TNRC6A: variants seen among roughly 807,000 people sequenced by gnomAD.
The protein encoded by TNRC6A is trinucleotide repeat-containing gene 6A protein.
In TNRC6A, 44 loss-of-function variants were observed where a neutral mutation model predicts 221.2. The ratio of observed to expected loss-of-function variants is 0.20; its 90% CI spans 0.16 to 0.26. TNRC6A has a LOEUF of 0.26. Among genes scored for constraint, TNRC6A ranks in the 10% least tolerant of loss-of-function variants. The probability of loss-of-function intolerance (pLI) is 1.00; values close to 1 mark genes in which losing one functional copy is unlikely to be tolerated. For synonymous variants in TNRC6A, 847 were observed against 838.5 expected (o/e 1.01, Z -0.18); for missense variants, 2,199 against 2,404.4 (o/e 0.91, Z 1.79).
chr16:24,805,310 A>C, intron 14 of TNRC6A, 159 bp downstream of exon 14: 1 of 1,132,148 alleles, frequency 8.8e-7, no homozygotes, highest in South Asian at 1.6e-5. Flanking sequence ...TGTAGTAAGG[A>C]AAAGTCAAGG....
intron 2 of TNRC6A, among the ~76,000 whole-genome samples, chr16:24,704,664 C>CAAAAAAAAAAAAAAA (rs58926085): frequency 4.9e-4 from 34 of 69,460 alleles, no homozygotes; most frequent in Non-Finnish European, 7.4e-4. Flanking sequence ...GACTCCGTCT[C>CAAAAAAAAAAAAAAA]AAAAAAAAAA....
intron 2 of TNRC6A, among the ~76,000 whole-genome samples, chr16:24,710,567 C>A (rs2056185732): frequency 6.6e-6 from 1 of 152,160 alleles, no homozygotes; most frequent in Non-Finnish European, 1.5e-5. Context: ...CTTCTTATTG[C>A]ATCCTACTAA....
intron 1 of TNRC6A, among the ~76,000 whole-genome samples, chr16:24,616,325 C>CA (rs397855433): frequency 0.16 from 11,863 of 73,614 alleles, 825 homozygotes; most frequent in Non-Finnish European, 0.19. Flanking sequence ...GATGCTGTCT[C>CA]AAAAAAAAAA....
chr16:24,756,284 T>A (rs2057248742), intron 3 of TNRC6A, among the ~76,000 whole-genome samples: 1 of 152,320 alleles, frequency 6.6e-6, no homozygotes, highest in East Asian at 1.9e-4. Flanking sequence ...GGCTGTTGTT[T>A]TGGATAGTGC....
Position 24,791,453 on chromosome 16 carries a change from G to A in TNRC6A, c.2811G>A (p.Ser937=), listed in dbSNP as rs749813517. 2.6e-5 allele frequency: 40 copies of A among 1,531,012 alleles called. No individual in the cohort carries two copies. The highest frequency in any genetic ancestry group is 1.8e-4 in the South Asian group (14 of 75,954). The allele number at this position is 1,531,012 out of a possible 1,614,324, so 94.8% of individuals were successfully genotyped here. The change falls in exon 6 of 25, where the codon TCG becomes TCA. Residue 937 remains serine, a synonymous_variant. Coordinates refer to ENST00000395799, the MANE Select transcript of TNRC6A (RefSeq NM_014494.4). ...KSNQSLGWGD[S]SKPVSSPDWN... is the part of the protein sequence containing the mutation. ...ATCAGTCTCTAGGTTGGGGAGATTC[G>A]TCAAAGCCAGTCAGCTCTCCAGACT... is the stretch of plus-strand genomic sequence containing the variant.
chr16:24,692,845 G>C (rs938479643), intron 2 of TNRC6A, among the ~76,000 whole-genome samples: 2 of 152,014 alleles, frequency 1.3e-5, no homozygotes, highest in Non-Finnish European at 2.9e-5. Flanking sequence ...GCTGTTCTTA[G>C]TGAAAACTCA....
At chr16:24,771,552 ATGT>A (rs2057595951) in intron 4 of TNRC6A, among the ~76,000 whole-genome samples, 1 of 101,828 alleles carries the variant, frequency 9.8e-6, no homozygotes. Context: ...ATGTTATGTT[ATGT>A]TATGTTTTAT....
chr16:24,640,072 T>C (rs1901858214), intron 1 of TNRC6A, among the ~76,000 whole-genome samples: 2 of 151,946 alleles, frequency 1.3e-5, no homozygotes, highest in Non-Finnish European at 2.9e-5. Context: ...AGAATGATAG[T>C]TGGGTGGGGG....
At chr16:24,619,694 A>T (rs566342200) in intron 1 of TNRC6A, among the ~76,000 whole-genome samples, 2 of 152,202 alleles carry the variant, frequency 1.3e-5, no homozygotes, top group Non-Finnish European at 2.9e-5. Flanking sequence ...CATCAGGATG[A>T]CAAGGAGAGG....
chr16:24,804,487 A>G (rs931530155), intron 12 of TNRC6A, 168 bp downstream of exon 12: 22 of 1,094,752 alleles, frequency 2.0e-5, no homozygotes, highest in Non-Finnish European at 2.1e-5. Flanking sequence ...TCAATTTATC[A>G]TAGAGGTTGC....
intron 2 of TNRC6A, among the ~76,000 whole-genome samples, chr16:24,711,597 G>A (rs2142311558): frequency 6.6e-6 from 1 of 152,046 alleles, no homozygotes; most frequent in East Asian, 1.9e-4. Context: ...TGTCCTTTTG[G>A]GGGAGTCTGG....
intron 8 of TNRC6A, 95 bp from the exon 9 acceptor site, chr16:24,795,812 G>A (rs1056096052): frequency 6.4e-6 from 8 of 1,248,800 alleles, no homozygotes; most frequent in African/African-American, 3.0e-5. Context: ...ACTAGTAAGC[G>A]ACAGAGTAAG....
upstream of TNRC6A, chr16:24,729,637 C>T (rs1342098434): frequency 4.1e-6 from 2 of 491,072 alleles, no homozygotes; most frequent in African/African-American, 4.1e-5. Flanking sequence ...AAGGGGTTGC[C>T]GAGTGGGGCA....
At chr16:24,651,296 T>C (rs1902633092) in intron 2 of TNRC6A, among the ~76,000 whole-genome samples, 1 of 151,890 alleles carries the variant, frequency 6.6e-6, no homozygotes, top group African/African-American at 2.4e-5. Context: ...CCCAGCACTT[T>C]GGGAGGCTGA....
At chr16:24,688,521 A>G (rs2142108490) in intron 2 of TNRC6A, among the ~76,000 whole-genome samples, 1 of 152,292 alleles carries the variant, frequency 6.6e-6, no homozygotes, top group Admixed American at 6.5e-5. Context: ...TGTGTCAGTG[A>G]TTGATTCAGA....
intron 2 of TNRC6A, among the ~76,000 whole-genome samples, chr16:24,694,341 C>G (rs1484695098): frequency 4.6e-5 from 7 of 152,124 alleles, no homozygotes; most frequent in African/African-American, 1.7e-4. Context: ...ATGACCCTAA[C>G]TGCAGTGATC....
rs376321478 is a variant in TNRC6A, at chr16:24,780,593, G to C, written c.589+3235G>C. On this transcript the variant is annotated intron_variant, in intron 5 of 24. Transcript: ENST00000395799. ...TAGGGGATGAATTCAAATGTAGTGA[G>C]ATATAAAGATTTACATGAGTGATTA... Among the ~76,000 whole-genome samples the C allele has an allele frequency of 5.3e-5, 8 of 152,254 alleles. No individual in the cohort carries two copies. The South Asian group carries it at 1.7e-3, about 32-fold the overall frequency.
intron 4 of TNRC6A, among the ~76,000 whole-genome samples, chr16:24,765,381 GAGTCA>G (rs1445882945): frequency 6.6e-6 from 1 of 152,182 alleles, no homozygotes; most frequent in East Asian, 1.9e-4. Flanking sequence ...CAATCCCAGA[GAGTCA>G]AGTCTAGTCA....
intron 5 of TNRC6A, chr16:24,778,430 A>G (rs1596685684): frequency 5.1e-6 from 5 of 985,362 alleles, no homozygotes; most frequent in East Asian, 1.1e-4. Context: ...CTTTGGCAAC[A>G]TACAGGATGT....
Sources: allele counts gnomAD v4.1 joint callset (sites outside exome capture counted in the v4.1 genomes callset), GRCh38; gene constraint gnomAD v4.1.1; transcripts MANE v1.5; gene names NCBI Gene and HGNC (gene_info 2026-07-23, HGNC 2026-07-21).